The following SETBP1 variants were observed in gnomAD, a reference collection of about 807,000 sequenced individuals.
SETBP1 encodes SET binding protein 1.
SETBP1 carries 9 observed loss-of-function variants against 101.0 expected under a neutral mutation model. The observed-to-expected ratio is 0.09, with a 90% CI of 0.05 to 0.16. The LOEUF is 0.16. Among genes scored for constraint, SETBP1 ranks in the 10% least tolerant of loss-of-function variants. The pLI is 1.00. For synonymous variants in SETBP1, 818 were observed against 788.5 expected (o/e 1.04, Z -0.63); for missense variants, 1,858 against 2,033.8 (o/e 0.91, Z 1.66).
intron 4 of SETBP1, chr18:44,970,169 AG>A (rs1460913593): frequency 1.9e-5 from 3 of 154,826 alleles, no homozygotes. Flanking sequence ...CAAGCCAAAA[AG>A]GTGATGATGG....
intron 2 of SETBP1, among the ~76,000 whole-genome samples, chr18:44,802,569 A>G (rs1264575078): frequency 6.6e-6 from 1 of 152,116 alleles, no homozygotes; most frequent in African/African-American, 2.4e-5. Context: ...TTCCAGGTGT[A>G]TCTTCCTTCC....
At chr18:44,810,860 T>C (rs956984184) in intron 2 of SETBP1, among the ~76,000 whole-genome samples, 2 of 152,190 alleles carry the variant, frequency 1.3e-5, no homozygotes, top group African/African-American at 2.4e-5. Context: ...CACCCAGAAA[T>C]TGGCTTCAGG....
At chr18:44,996,096 T>C (rs764943193) in intron 4 of SETBP1, among the ~76,000 whole-genome samples, 4 of 152,234 alleles carry the variant, frequency 2.6e-5, no homozygotes, top group Admixed American at 2.0e-4. Flanking sequence ...TTTATGTCTA[T>C]TGAACATCAA....
At chr18:44,743,584 A>T (rs2070148212) in intron 2 of SETBP1, among the ~76,000 whole-genome samples, 1 of 152,180 alleles carries the variant, frequency 6.6e-6, no homozygotes. Context: ...AGAGTTTCTT[A>T]TACAACGTGG....
At chr18:44,872,206 C>T (rs961146960) in intron 3 of SETBP1, 2 of 152,132 alleles carry the variant, frequency 1.3e-5, no homozygotes, top group Non-Finnish European at 2.9e-5. Flanking sequence ...CATATGCTTT[C>T]CTCTGCATTT....
intron 2 of SETBP1, among the ~76,000 whole-genome samples, chr18:44,754,680 A>C (rs2070455697): frequency 6.6e-6 from 1 of 152,202 alleles, no homozygotes; most frequent in African/African-American, 2.4e-5. Flanking sequence ...TCATCTCAAG[A>C]ATTTATCTAA....
At position 44,701,352 on chromosome 18, in the gene SETBP1, G is replaced by A; in HGVS notation, c.6G>A (p.Glu2=). The A allele has an allele frequency of 3.3e-6, 5 of 1,502,898 alleles. No individual in the cohort carries two copies. The highest frequency in any genetic ancestry group is 4.5e-6 in the Non-Finnish European group (5 of 1,122,574). The allele number at this position is 1,502,898 out of a possible 1,614,324, so 93.1% of individuals were successfully genotyped here. ...GGAAGACTGTAGAGATTGTCATGGAGTCCAGGGAAACCTTAAGCAGCTCCC... is the reference window on the plus strand; with the variant it reads ...GGAAGACTGTAGAGATTGTCATGGAATCCAGGGAAACCTTAAGCAGCTCCC... M[E]SRETLSSSRQ... The change falls in exon 2 of 6, where the codon GAG becomes GAA. Residue 2 remains glutamate, a synonymous_variant. Transcript: ENST00000649279.
At chr18:45,037,193 A>G (rs575125491) in intron 4 of SETBP1, among the ~76,000 whole-genome samples, 17 of 152,318 alleles carry the variant, frequency 1.1e-4, no homozygotes, top group Non-Finnish European at 2.2e-4. Flanking sequence ...TGTAGCCTGC[A>G]GATGAAGAAA....
intron 3 of SETBP1, among the ~76,000 whole-genome samples, chr18:44,882,455 T>C (rs778846136): frequency 6.6e-6 from 1 of 151,746 alleles, no homozygotes; most frequent in African/African-American, 2.4e-5. Context: ...TGAAGGAGAA[T>C]GGGATGCTAT....
At chr18:44,724,575 T>C (rs918013214) in intron 2 of SETBP1, among the ~76,000 whole-genome samples, 21 of 152,194 alleles carry the variant, frequency 1.4e-4, no homozygotes, top group African/African-American at 5.1e-4. Context: ...GCACAGCTCT[T>C]GTTCTGATTG....
intron 3 of SETBP1, among the ~76,000 whole-genome samples, chr18:44,875,347 G>A (rs183872746): frequency 5.9e-4 from 89 of 151,888 alleles, no homozygotes; most frequent in African/African-American, 2.1e-3. Context: ...GTGAAACCTC[G>A]TCTCTACTAA....
At chr18:44,891,437 G>A (rs112376070) in intron 3 of SETBP1, among the ~76,000 whole-genome samples, 2 of 152,252 alleles carry the variant, frequency 1.3e-5, no homozygotes, top group African/African-American at 4.8e-5. Context: ...GCACTGCAGT[G>A]CTTAGATTTT....
intron 3 of SETBP1, among the ~76,000 whole-genome samples, chr18:44,943,362 A>G (rs1470281884): frequency 6.6e-6 from 1 of 152,234 alleles, no homozygotes; most frequent in Non-Finnish European, 1.5e-5. Flanking sequence ...TACAGTTCAG[A>G]AATGTCTTTG....
At chr18:44,994,097 C>CA (rs1395328958) in intron 4 of SETBP1, among the ~76,000 whole-genome samples, 1 of 151,374 alleles carries the variant, frequency 6.6e-6, no homozygotes, top group Non-Finnish European at 1.5e-5. Flanking sequence ...TTTATATTAC[C>CA]AAAAAAGGAG....
chr18:44,755,343 T>C (rs972166224), intron 2 of SETBP1, among the ~76,000 whole-genome samples: 3 of 152,294 alleles, frequency 2.0e-5, no homozygotes, highest in Middle Eastern at 3.4e-3. Context: ...TATTGAGACA[T>C]GAGTCCGTGG....
chr18:44,777,468 C>T (rs1374125612), intron 2 of SETBP1, among the ~76,000 whole-genome samples: 2 of 152,168 alleles, frequency 1.3e-5, no homozygotes, highest in African/African-American at 2.4e-5. Context: ...TATGCATGCT[C>T]CTGTGTGGAC....
chr18:44,991,586 A>G (rs1568014287), intron 4 of SETBP1, among the ~76,000 whole-genome samples: 1 of 152,170 alleles, frequency 6.6e-6, no homozygotes, highest in African/African-American at 2.4e-5. Flanking sequence ...TTCAGTTAAA[A>G]CCAAGAATAT....
At chr18:44,908,030 C>T (rs973861400) in intron 3 of SETBP1, among the ~76,000 whole-genome samples, 1 of 151,674 alleles carries the variant, frequency 6.6e-6, no homozygotes, top group Admixed American at 6.6e-5. Flanking sequence ...AGGGCTCCAG[C>T]TCTTCTTCTT....
chr18:44,894,586 A>G (rs906340406), intron 3 of SETBP1, among the ~76,000 whole-genome samples: 3 of 152,164 alleles, frequency 2.0e-5, no homozygotes, highest in Non-Finnish European at 4.4e-5. Flanking sequence ...CCCATTCATT[A>G]TGTCCACAAT....
Sources: gnomAD v4.1 joint callset for allele counts (sites outside exome capture counted in the v4.1 genomes callset) on GRCh38, gnomAD v4.1.1 for gene constraint, MANE v1.5 for transcripts, NCBI Gene and HGNC (gene_info 2026-07-23, HGNC 2026-07-21) for gene names.